The following NDE1 variants were observed in gnomAD, a reference collection of about 807,000 sequenced individuals.
NDE1 encodes the protein nuclear distribution protein nudE homolog 1.
Under a neutral mutation model 43.4 loss-of-function variants are expected in NDE1, and 28 were observed. The ratio of observed to expected loss-of-function variants is 0.65; its 90% CI spans 0.48 to 0.89. NDE1 has a LOEUF of 0.89. Ranked by LOEUF, NDE1 falls within the 40% of genes least tolerant of loss-of-function variation. NDE1 has a pLI of 0.00. For missense variants in NDE1, 441 were observed against 434.1 expected, an observed-to-expected ratio of 1.02 and a Z score of -0.14; for synonymous variants, 184 against 172.0, an observed-to-expected ratio of 1.07 and a Z score of -0.55.
chr16:15,686,985 C>T, intron 4 of NDE1: 2 of 985,414 alleles, frequency 2.0e-6, no homozygotes, highest in Non-Finnish European at 2.4e-6. Flanking sequence ...GCATGAGCCA[C>T]CTTGCCCAGT....
At chr16:15,695,906 A>G (rs2038987440) in intron 7 of NDE1, 2 of 163,950 alleles carry the variant, frequency 1.2e-5, no homozygotes, top group South Asian at 4.0e-4. Flanking sequence ...GCCATTCTGC[A>G]GAGGTTTAAC....
At chr16:15,709,409 G>A (rs1195178002) in intron 8 of NDE1, among the ~76,000 whole-genome samples, 1 of 151,508 alleles carries the variant, frequency 6.6e-6, no homozygotes. Context: ...CCACCTCCCG[G>A]GTTCAAGCGA....
At chr16:15,662,920 A>G (rs2037120418) in intron 1 of NDE1, among the ~76,000 whole-genome samples, 1 of 151,894 alleles carries the variant, frequency 6.6e-6, no homozygotes, top group Admixed American at 6.6e-5. Context: ...GGAGCTCCCC[A>G]TCTTAGGCCT....
chr16:15,674,192 C>T lies in NDE1; in HGVS notation c.238-3609C>T, dbSNP rs116834990. ...AGATCTCCCTCTCTGTCTCTCTCCT[C>T]TCCTTTTCTCTCCCTTTCCCTTCCT... On this transcript the variant is annotated intron_variant, in intron 3 of 8. Coordinates refer to ENST00000396354, the MANE Select transcript of NDE1 (RefSeq NM_017668.3). Among the ~76,000 whole-genome samples the T allele has an allele frequency of 4.5e-3, 685 of 152,206 alleles. 5 individuals carry two copies. Among genetic ancestry groups the T allele is most frequent in the African/African-American group, 0.016 (664 of 41,542 alleles).
chr16:15,691,973 G>A (rs1384248502), intron 6 of NDE1, among the ~76,000 whole-genome samples: 1 of 151,926 alleles, frequency 6.6e-6, no homozygotes, highest in Non-Finnish European at 1.5e-5. Context: ...AATTTGAAAT[G>A]TCACTGACCA....
At chr16:15,720,894 T>G in intron 8 of NDE1, 8 of 1,613,944 alleles carry the variant, frequency 5.0e-6, no homozygotes, top group Non-Finnish European at 6.8e-6. Context: ...GGCTTGGAGA[T>G]CCCTTTCGAA....
intron 7 of NDE1, 88 bp from the exon 8 acceptor site, chr16:15,696,621 G>A: frequency 6.2e-7 from 1 of 1,607,824 alleles, no homozygotes; most frequent in Non-Finnish European, 8.5e-7. Context: ...GAGAACCACT[G>A]TCTGGGGTTC....
At chr16:15,703,540 C>G in intron 8 of NDE1, 1 of 325,306 alleles carries the variant, frequency 3.1e-6, no homozygotes, top group Non-Finnish European at 5.8e-6. Context: ...TTTCTCATCT[C>G]TTACATCATA....
intron 8 of NDE1, chr16:15,712,807 A>C (rs1012706878): frequency 6.6e-6 from 1 of 150,648 alleles, no homozygotes; most frequent in African/African-American, 2.4e-5. Context: ...ACCTCTGGCC[A>C]TTAGTGTCAC....
At chr16:15,690,734 G>A (rs1456154061) in intron 5 of NDE1, among the ~76,000 whole-genome samples, 1 of 151,984 alleles carries the variant, frequency 6.6e-6, no homozygotes, top group African/African-American at 2.4e-5. Flanking sequence ...CACCCCAGTA[G>A]GTCTTTTTTC....
chr16:15,699,261 GC>G (rs1236109798), intron 8 of NDE1, among the ~76,000 whole-genome samples: 1 of 142,556 alleles, frequency 7.0e-6, no homozygotes, highest in African/African-American at 2.9e-5. Flanking sequence ...ATCATGCCTG[GC>G]CTTTTTTTTT....
chr16:15,669,973 G>C (rs982342918), intron 3 of NDE1, among the ~76,000 whole-genome samples: 1 of 152,164 alleles, frequency 6.6e-6, no homozygotes, highest in African/African-American at 2.4e-5. Context: ...GCTCAGCAAG[G>C]GATCACTAAG....
At chr16:15,710,747 G>A (rs913591570) in intron 8 of NDE1, among the ~76,000 whole-genome samples, 8 of 151,946 alleles carry the variant, frequency 5.3e-5, no homozygotes, top group Non-Finnish European at 7.4e-5. Context: ...CTTGATCTTG[G>A]CTCACTGCAG....
At chr16:15,713,314 G>A (rs1175572221) in intron 8 of NDE1, 1 of 152,106 alleles carries the variant, frequency 6.6e-6, no homozygotes, top group Non-Finnish European at 1.5e-5. Flanking sequence ...GGGAGCTTGT[G>A]CACGTTTCAT....
At chr16:15,721,688 T>G in intron 8 of NDE1, 1 of 1,584,920 alleles carries the variant, frequency 6.3e-7, no homozygotes, top group East Asian at 2.2e-5. Context: ...TCAGCGTCAC[T>G]GAATTGTAAA....
At chr16:15,682,806 C>G (rs1410578624) in intron 4 of NDE1, among the ~76,000 whole-genome samples, 1 of 152,018 alleles carries the variant, frequency 6.6e-6, no homozygotes, top group East Asian at 1.9e-4. Context: ...CTCACTGCAG[C>G]CTCTGCCTCC....
At chr16:15,687,098 AG>A in intron 4 of NDE1, 1 of 1,309,182 alleles carries the variant, frequency 7.6e-7, no homozygotes, top group South Asian at 1.5e-5. Context: ...CAGTCCTGAT[AG>A]GGCTTTGGCT....
intron 8 of NDE1, chr16:15,719,550 G>GC: frequency 6.2e-7 from 1 of 1,613,066 alleles, no homozygotes; most frequent in Non-Finnish European, 8.5e-7. Context: ...CGTGACACCC[G>GC]CATCTGAGGC....
Position 15,718,369 on chromosome 16 carries a change from C to T in NDE1, c.948-5822C>T, listed in dbSNP as rs2151201307. The T allele has an allele frequency of 6.2e-7, 1 of 1,606,584 alleles. No homozygotes were observed. The highest frequency in any genetic ancestry group is 8.5e-7 in the Non-Finnish European group (1 of 1,178,734). ...TCATGGCCTCCATGTTGCCCTGCTC[C>T]TCCTCCAGCTCCTCCTCCAGCTGGG... On this transcript the variant is annotated intron_variant, in intron 8 of 8. Transcript: ENST00000396354.
Sources: gnomAD v4.1 joint callset for allele counts (sites outside exome capture counted in the v4.1 genomes callset) on GRCh38, gnomAD v4.1.1 for gene constraint, MANE v1.5 for transcripts, NCBI Gene and HGNC (gene_info 2026-07-23, HGNC 2026-07-21) for gene names.